Variants in MORC2 observed in about 807,000 individuals in gnomAD.
MORC2 encodes the protein MORC family CW-type zinc finger 2, also known as ATPase MORC2.
In MORC2, 30 loss-of-function variants were observed where a neutral mutation model predicts 136.0. The ratio of observed to expected loss-of-function variants is 0.22; its 90% CI spans 0.17 to 0.30. The LOEUF (loss-of-function observed/expected upper bound fraction) is 0.30. Among genes scored for constraint, MORC2 ranks in the 10% least tolerant of loss-of-function variants. MORC2 has a pLI of 1.00. For synonymous variants in MORC2, 439 were observed against 487.0 expected, an observed-to-expected ratio of 0.90 and a Z score of 1.30; for missense variants, 922 against 1,333.1, an observed-to-expected ratio of 0.69 and a Z score of 4.80.
rs771911706 is a variant in MORC2 at position 30,933,042 on chromosome 22, G to C, written c.2381-12C>G. 6.2e-7 allele frequency: 1 copy of C among 1,613,400 alleles called. No homozygotes were observed. Among genetic ancestry groups the C allele is most frequent in the Non-Finnish European group, 8.5e-7 (1 of 1,179,950 alleles). On this transcript the variant is annotated splice_polypyrimidine_tract_variant and intron_variant, in intron 21 of 25. Transcript: ENST00000397641. ...GTGCAGCCCTTTATCTGACAATGTA[G>C]ACAGAGGTGCGAGTCAGAAAACTAG... is the stretch of plus-strand genomic sequence containing the variant.
In MORC2 at chr22:30,941,940, T is replaced by C. The variant is rs375266158; in HGVS notation, c.649A>G (p.Ile217Val). Reference protein sequence around the residue: ...MDNGEPELDIISNPRDIQMAE... With the variant: ...MDNGEPELDIVSNPRDIQMAE... ...ATCTGGATATCTCTTGGATTTGAGATTATGTCTAGTTCTGGCTCTCCATTA... is the reference window on the plus strand; with the variant it reads ...ATCTGGATATCTCTTGGATTTGAGACTATGTCTAGTTCTGGCTCTCCATTA... The change falls in exon 8 of 26, where the codon ATC (isoleucine) becomes GTC (valine). Residue 217 changes from isoleucine to valine, a missense_variant. This residue lies in a region of MORC2 where 261 missense variants were observed against 354.3 expected (regional missense o/e 0.74). Transcript: ENST00000397641. The surrounding 1 kb of genome is among the most constrained non-coding windows in gnomAD (Gnocchi z 4.6). The C allele has an allele frequency of 1.4e-5, 22 of 1,613,780 alleles. No individual in the cohort carries two copies. Among genetic ancestry groups the C allele is most frequent in the Non-Finnish European group, 1.7e-5 (20 of 1,179,794 alleles).
At chr22:30,956,927 C>T in intron 2 of MORC2, 130 bp from the exon 3 acceptor site, 1 of 678,718 alleles carries the variant, frequency 1.5e-6, no homozygotes, top group Non-Finnish European at 2.3e-6. Flanking sequence ...ATTCTATAGA[C>T]ATTTAGAATT....
At chr22:30,928,936 T>C (rs2040531502) in intron 24 of MORC2, among the ~76,000 whole-genome samples, 1 of 152,242 alleles carries the variant, frequency 6.6e-6, no homozygotes, top group Non-Finnish European at 1.5e-5. Flanking sequence ...CTGAGAATCA[T>C]GAGGCCACTG....
chr22:30,932,839 G>A lies in MORC2; in HGVS notation c.2522+50C>T, dbSNP rs369960820. The stretch of plus-strand genomic sequence containing the variant: ...AGGATGGGCTGCTGGCAGGGAGGCC[G>A]GGGATACCTCCTTCGAGGAACCACT... On this transcript the variant is annotated intron_variant, in intron 22 of 25. Transcript: ENST00000397641. This position sits in a 1 kb window ranked among gnomAD's most constrained non-coding sequence, Gnocchi z 4.4. 1.1e-5 allele frequency: 17 copies of A among 1,613,222 alleles called. No individual in the cohort carries two copies. The highest frequency in any genetic ancestry group is 1.6e-4 in the Middle Eastern group (1 of 6,082).
rs1204373008 is a variant in MORC2, at chr22:30,935,284, T to C, written c.1776A>G (p.Lys592=). Residue 592 remains lysine, a synonymous_variant, in exon 18 of 26, where the codon AAA becomes AAG. Coordinates refer to ENST00000397641, the MANE Select transcript of MORC2 (RefSeq NM_001303256.3). ...TPIRSQADLK[K]LPLEVTTRPS... ...GTCTGGTGGTCACTTCCAAGGGCAA[T>C]TTCTTCAGGTCTGCTTGGGAGCGGA... 6.2e-7 allele frequency: 1 copy of C among 1,613,782 alleles called. No homozygotes were observed. The highest frequency in any genetic ancestry group is 1.3e-5 in the African/African-American group (1 of 74,872).
chr22:30,934,686 T>G lies in MORC2; in HGVS notation c.2193+95A>C, dbSNP rs753453475. Reference sequence around the variant, plus strand: ...CAGCAAAGCTTTAGATTCAGTATCTTCCGAAGGCTCCCCCAGTACAGCTGT... The same window carrying G: ...CAGCAAAGCTTTAGATTCAGTATCTGCCGAAGGCTCCCCCAGTACAGCTGT... On this transcript the variant is annotated intron_variant, in intron 19 of 25. Transcript: ENST00000397641. This position sits in a 1 kb window ranked among gnomAD's most constrained non-coding sequence, Gnocchi z 4.4. The G allele has an allele frequency of 1.6e-4, 243 of 1,498,150 alleles. No individual in the cohort carries two copies. Among genetic ancestry groups the G allele is most frequent in the Non-Finnish European group, 2.1e-4 (235 of 1,106,278 alleles). 92.8% of individuals were successfully genotyped at this position (1,498,150 alleles called of 1,614,324 possible). A position where few individuals can be genotyped will look rare whatever the true frequency, so the allele number is the denominator to read the frequency against.
intron 2 of MORC2, 76 bp from the exon 3 acceptor site, chr22:30,956,873 G>A (rs2040974464): frequency 1.7e-6 from 2 of 1,181,540 alleles, no homozygotes; most frequent in African/African-American, 1.5e-5. Context: ...GATTTGAGTA[G>A]AATGCAGAGT....
In MORC2 at chr22:30,941,911, T is replaced by G. The variant is rs2040747316; in HGVS notation, c.678A>C (p.Ala226=). ...CTCACGTGCCCTCTGGGGACGTCTC[T>G]GCCATCTGGATATCTCTTGGATTTG... ...IISNPRDIQM[A]ETSPEGTKPE... is the part of the protein sequence containing the mutation. The change falls in exon 8 of 26, where the codon GCA becomes GCC. Residue 226 remains alanine, a synonymous_variant. Coordinates refer to ENST00000397641, the MANE Select transcript of MORC2 (RefSeq NM_001303256.3). This position sits in a 1 kb window ranked among gnomAD's most constrained non-coding sequence, Gnocchi z 4.6. 6 of 1,613,146 alleles carry G rather than the reference T, an allele frequency of 3.7e-6. No individual in the cohort carries two copies. The highest frequency in any genetic ancestry group is 3.3e-5 in the South Asian group (3 of 91,066).
rs1389325202 is a variant in MORC2 at position 30,928,211 on chromosome 22, T to C, written c.2842-4A>G. 1.2e-6 allele frequency: 2 copies of C among 1,613,990 alleles called. No homozygotes were observed. The highest frequency in any genetic ancestry group is 1.7e-6 in the Non-Finnish European group (2 of 1,179,968). ...CATATTGCTTGAAGTACTCCTTCTG[T>C]TGGGAGCAGAGCAAGAGGGAGAGTG... On this transcript the variant is annotated splice_polypyrimidine_tract_variant and splice_region_variant and intron_variant, in intron 24 of 25. Coordinates refer to ENST00000397641, the MANE Select transcript of MORC2 (RefSeq NM_001303256.3).
chr22:30,960,591 C>T (rs937862667), intron 1 of MORC2, among the ~76,000 whole-genome samples: 27 of 151,638 alleles, frequency 1.8e-4, no homozygotes, highest in African/African-American at 6.3e-4. Flanking sequence ...CGGGTTCAAG[C>T]AATTCTCCTG....
chr22:30,939,678 G>T lies in MORC2; in HGVS notation c.1016C>A (p.Ala339Asp). Reference sequence around the variant, plus strand: ...ATCGGCTTCTCTGCGCAGAGTGATGGCTCTGTTCTGGACCTGTCGCAACAT... The same window carrying T: ...ATCGGCTTCTCTGCGCAGAGTGATGTCTCTGTTCTGGACCTGTCGCAACAT... ...RVMLRQVQNRAITLRREADVK... is the reference protein window; with the variant it reads ...RVMLRQVQNRDITLRREADVK... Residue 339 changes from alanine to aspartate, a missense_variant, in exon 12 of 26, where the codon GCC becomes GAC. Ala to Asp is a moderately radical substitution (Grantham distance 126). This residue lies in a region of MORC2 where 261 missense variants were observed against 354.3 expected (regional missense o/e 0.74). Transcript: ENST00000397641. 1 of 1,614,106 alleles carries T rather than the reference G, an allele frequency of 6.2e-7. No homozygotes were observed.
intron 24 of MORC2, among the ~76,000 whole-genome samples, chr22:30,931,629 C>G (rs928241125): frequency 6.6e-6 from 1 of 152,242 alleles, no homozygotes; most frequent in Non-Finnish European, 1.5e-5. Context: ...GCCCCCACCT[C>G]AAACACTCCT....
rs2040738265 is a variant in MORC2 at position 30,941,312 on chromosome 22, C to T, written c.824+121G>A. On this transcript the variant is annotated intron_variant, in intron 9 of 25. Transcript: ENST00000397641. This position sits in a 1 kb window ranked among gnomAD's most constrained non-coding sequence, Gnocchi z 4.6. Reference sequence around the variant, plus strand: ...TGACCAATCACAGGCAACTTAAAGTCCCAAACGTAGTCAGCACTGCCAGAG... The same window carrying T: ...TGACCAATCACAGGCAACTTAAAGTTCCAAACGTAGTCAGCACTGCCAGAG... The T allele has an allele frequency of 2.1e-5, 29 of 1,398,514 alleles. No homozygotes were observed. In the South Asian group the frequency reaches 4.1e-4, roughly 20 times the overall value. 86.6% of individuals were successfully genotyped at this position (1,398,514 alleles called of 1,614,324 possible).
At chr22:30,965,548 C>G (rs191295317) in intron 1 of MORC2, among the ~76,000 whole-genome samples, 1 of 152,334 alleles carries the variant, frequency 6.6e-6, no homozygotes, top group African/African-American at 2.4e-5. Context: ...AGGAGAACAA[C>G]TTCTAAGGTC....
intron 3 of MORC2, among the ~76,000 whole-genome samples, chr22:30,953,531 T>A (rs1332827017): frequency 1.3e-5 from 2 of 152,198 alleles, no homozygotes; most frequent in Non-Finnish European, 2.9e-5. Context: ...TCAAAGGTGA[T>A]AAAATAATGG....
Position 30,941,871 on chromosome 22 carries a change from C to A in MORC2, c.698+20G>T, listed in dbSNP as rs771379191. ...CAAACGCCAGTTCCAGGGCCTCCCT[C>A]CCTTCCCAGCCACACTCACGTGCCC... On this transcript the variant is annotated intron_variant, in intron 8 of 25. Transcript: ENST00000397641. This position sits in a 1 kb window ranked among gnomAD's most constrained non-coding sequence, Gnocchi z 4.6. 7.0e-6 allele frequency: 11 copies of A among 1,581,210 alleles called. No homozygotes were observed. Among genetic ancestry groups the A allele is most frequent in the Non-Finnish European group, 9.6e-6 (11 of 1,151,216 alleles).
intron 24 of MORC2, among the ~76,000 whole-genome samples, chr22:30,929,530 C>T (rs552050598): frequency 1.3e-5 from 2 of 152,008 alleles, no homozygotes; most frequent in Admixed American, 6.5e-5. Flanking sequence ...AGGTGGATCA[C>T]GAGGTCAGGA....
At chr22:30,956,655 A>G (rs918904788) in intron 3 of MORC2, 108 bp downstream of exon 3, 6 of 927,822 alleles carry the variant, frequency 6.5e-6, no homozygotes, top group Non-Finnish European at 6.6e-6. Context: ...TAATCATGCC[A>G]TCTTCCCAGG....
At position 30,941,783 on chromosome 22, in the gene MORC2, C is replaced by A; in HGVS notation, c.698+108G>T. ...TGAGCTGGCCCTACATACTACCCTA[C>A]CACAGAACACTGGGCAATGAATGTG... is the stretch of plus-strand genomic sequence containing the variant. On this transcript the variant is annotated intron_variant, in intron 8 of 25. Transcript: ENST00000397641. The surrounding 1 kb of genome is among the most constrained non-coding windows in gnomAD (Gnocchi z 4.6). 1 of 1,198,198 alleles carries A rather than the reference C, an allele frequency of 8.3e-7. No individual in the cohort carries two copies. The highest frequency in any genetic ancestry group is 1.2e-6 in the Non-Finnish European group (1 of 827,670). The allele number at this position is 1,198,198 out of a possible 1,614,324, so 74.2% of individuals were successfully genotyped here.
Sources: allele counts gnomAD v4.1 joint callset (sites outside exome capture counted in the v4.1 genomes callset), GRCh38; gene constraint gnomAD v4.1.1; regional missense constraint gnomAD v4.1.1; non-coding constraint Gnocchi (gnomAD v3.1); transcripts MANE v1.5; gene names NCBI Gene and HGNC (gene_info 2026-07-23, HGNC 2026-07-21).